IHO1: variants seen among roughly 807,000 people sequenced by gnomAD.
The protein encoded by IHO1 is interactor of HORMAD1 1.
In IHO1, 13 loss-of-function variants were observed where a neutral mutation model predicts 31.0. That is an observed-to-expected ratio of 0.42 (90% CI 0.27 to 0.67). The LOEUF (loss-of-function observed/expected upper bound fraction) is 0.67, where lower values mean the gene tolerates loss of function less well. Among genes scored for constraint, IHO1 ranks in the 30% least tolerant of loss-of-function variants. The pLI is 0.24. For synonymous variants in IHO1, 221 were observed against 248.4 expected, an observed-to-expected ratio of 0.89 and a Z score of 1.04; for missense variants, 599 against 687.5, an observed-to-expected ratio of 0.87 and a Z score of 1.44.
At chr3:49,253,883 G>C (rs1231237287) in intron 6 of IHO1, among the ~76,000 whole-genome samples, 1 of 141,424 alleles carries the variant, frequency 7.1e-6, no homozygotes, top group African/African-American at 2.6e-5. Context: ...ACCCAGGCTG[G>C]AGTGCAATGG....
At position 49,235,506 on chromosome 3, in the gene IHO1, G is replaced by A. The variant is rs368784453; in HGVS notation, c.57-1042G>A. On this transcript the variant is annotated intron_variant, in intron 2 of 7. Transcript: ENST00000452691. ...GCCTCCCAAAGTGCTGGGATTACAG[G>A]CGTGAGCCACCGCACCCGGCCGATT... 2.4e-4 allele frequency among the ~76,000 whole-genome samples: 37 copies of A among 152,194 alleles called. No individual in the cohort carries two copies. The South Asian group carries it at 4.3e-3, about 18-fold the overall frequency.
chr3:49,255,542 T>A, intron 7 of IHO1, 49 bp downstream of exon 7: 3 of 1,008,174 alleles, frequency 3.0e-6, no homozygotes, highest in Non-Finnish European at 4.3e-6. Flanking sequence ...GGCTTTGAAC[T>A]AGACCCAGAG....
At chr3:49,218,228 C>T (rs184897800) in intron 2 of IHO1, among the ~76,000 whole-genome samples, 31 of 152,014 alleles carry the variant, frequency 2.0e-4, no homozygotes, top group African/African-American at 7.0e-4. Flanking sequence ...TCCTGGTTCC[C>T]ACCTCTCCGT....
chr3:49,245,369 GT>G (rs1343209534), intron 6 of IHO1: 1 of 152,730 alleles, frequency 6.5e-6, no homozygotes, highest in Non-Finnish European at 1.5e-5. Flanking sequence ...AAAATTTTTA[GT>G]AGAGACGGGG....
At chr3:49,248,559 T>A (rs376450825) in intron 6 of IHO1, among the ~76,000 whole-genome samples, 8 of 151,976 alleles carry the variant, frequency 5.3e-5, no homozygotes, top group African/African-American at 1.9e-4. Context: ...TGAAAACCCA[T>A]CTCTACTAAA....
At chr3:49,195,217 C>G (rs1415863076), upstream of IHO1, among the ~76,000 whole-genome samples, 1 of 146,482 alleles carries the variant, frequency 6.8e-6, no homozygotes, top group Non-Finnish European at 1.5e-5. Context: ...GTCAGGAGTT[C>G]AAGAGTAGCC....
In IHO1 at chr3:49,241,100, C is replaced by T. The variant is rs867874421; in HGVS notation, c.232-126C>T. ...TGTATACAAAGATAAAATGGAAATA[C>T]TACTTGCTATGTTACGTTACAGCAA... On this transcript the variant is annotated intron_variant, in intron 3 of 7. Coordinates refer to ENST00000452691, the MANE Select transcript of IHO1 (RefSeq NM_001135197.2). 7 of 545,264 alleles carry T rather than the reference C, an allele frequency of 1.3e-5. No individual in the cohort carries two copies. In the Middle Eastern group the frequency reaches 2.5e-3, roughly 194 times the overall value. 33.8% of individuals were successfully genotyped at this position (545,264 alleles called of 1,614,324 possible). A position where few individuals can be genotyped will look rare whatever the true frequency, so the allele number is the denominator to read the frequency against.
intron 1 of IHO1, among the ~76,000 whole-genome samples, chr3:49,201,586 C>A (rs1035190203): frequency 1.3e-5 from 2 of 150,470 alleles, no homozygotes; most frequent in African/African-American, 4.9e-5. Flanking sequence ...TCGCGCCACT[C>A]CACTCCAGGC....
intron 2 of IHO1, among the ~76,000 whole-genome samples, chr3:49,212,137 C>G (rs1229019986): frequency 7.1e-6 from 1 of 141,440 alleles, no homozygotes; most frequent in Non-Finnish European, 1.5e-5. Context: ...GCACTCCAGC[C>G]TGGGCGACAG....
At position 49,205,944 on chromosome 3, in the gene IHO1, A is replaced by AT. The variant is rs945017557; in HGVS notation, c.-15-5813dup. Among the ~76,000 whole-genome samples the AT allele has an allele frequency of 1.1e-3, 147 of 134,646 alleles. No homozygotes were observed. The East Asian group carries it at 0.029, about 27-fold the overall frequency. 88.3% of individuals were successfully genotyped at this position (134,646 alleles called of 152,430 possible). A position where few individuals can be genotyped will look rare whatever the true frequency, so the allele number is the denominator to read the frequency against. On this transcript the variant is annotated intron_variant, in intron 1 of 7. Transcript: ENST00000452691. ...GCCACCACGTCCAGCTAATTTTTGT[A>AT]TTTTTTTTTCTTTTCTTTCTTTCTT...
At chr3:49,211,455 A>AT (rs1204973180) in intron 1 of IHO1, among the ~76,000 whole-genome samples, 2 of 151,548 alleles carry the variant, frequency 1.3e-5, no homozygotes, top group East Asian at 1.9e-4. Context: ...TTATTTACTT[A>AT]TTTTTTTTGA....
chr3:49,213,279 T>C (rs2046245108), intron 2 of IHO1, among the ~76,000 whole-genome samples: 1 of 152,196 alleles, frequency 6.6e-6, no homozygotes, highest in Non-Finnish European at 1.5e-5. Flanking sequence ...AGAGTGCTGA[T>C]TGTTGTATTT....
intron 1 of IHO1, among the ~76,000 whole-genome samples, chr3:49,203,290 C>T (rs1422545383): frequency 6.6e-6 from 1 of 152,098 alleles, no homozygotes; most frequent in East Asian, 1.9e-4. Context: ...ACTGCTTGTG[C>T]CCAGCAAGGG....
At chr3:49,230,191 A>G (rs2046464866) in intron 2 of IHO1, among the ~76,000 whole-genome samples, 1 of 152,224 alleles carries the variant, frequency 6.6e-6, no homozygotes, top group Non-Finnish European at 1.5e-5. Context: ...AATTAGAAAA[A>G]GGACACATAG....
chr3:49,227,177 A>C (rs751998493), intron 2 of IHO1, among the ~76,000 whole-genome samples: 2 of 152,212 alleles, frequency 1.3e-5, no homozygotes, highest in African/African-American at 4.8e-5. Context: ...TCTTACAGAA[A>C]AGGTTAAGCT....
intron 3 of IHO1, among the ~76,000 whole-genome samples, chr3:49,237,374 C>T (rs1447733529): frequency 2.0e-5 from 3 of 151,928 alleles, no homozygotes; most frequent in African/African-American, 4.8e-5. Context: ...CAAAAAAACC[C>T]GACAACCAAT....
Position 49,255,478 on chromosome 3 carries a change from G to C in IHO1, c.621G>C (p.Lys207Asn). The change falls in exon 7 of 8, where the codon AAG becomes AAC. Residue 207 changes from lysine (K) to asparagine (N), a missense_variant. Physicochemically the swap from Lys to Asn is moderately conservative, Grantham distance 94. Coordinates refer to ENST00000452691, the MANE Select transcript of IHO1 (RefSeq NM_001135197.2). Reference protein sequence around the residue: ...GNMEQAILEMKKRFEARQGEF... With the variant: ...GNMEQAILEMNKRFEARQGEF... ...TGGAGCAGGCCATCCTTGAGATGAA[G>C]AAAAGATTTGAAGCTGTAAGTGTAA... 6.3e-7 allele frequency: 1 copy of C among 1,592,688 alleles called. No individual in the cohort carries two copies. The highest frequency in any genetic ancestry group is 1.1e-5 in the South Asian group (1 of 88,756).
At chr3:49,234,423 GC>G (rs1223572954) in intron 2 of IHO1, among the ~76,000 whole-genome samples, 1 of 151,478 alleles carries the variant, frequency 6.6e-6, no homozygotes, top group Non-Finnish European at 1.5e-5. Context: ...CAGGTAGTCT[GC>G]CCACCTCGGC....
chr3:49,214,632 AT>A lies in IHO1; in HGVS notation c.56+2820del, dbSNP rs3083884. Among the ~76,000 whole-genome samples, 27 of 5,188 alleles carry A rather than the reference AT, an allele frequency of 5.2e-3. 1 individual carries two copies. Among genetic ancestry groups the A allele is most frequent in the African/African-American group, 0.012 (18 of 1,530 alleles). The allele number at this position is 5,188 out of a possible 152,430, so 3.4% of individuals were successfully genotyped here. ...CATATATATATATATATATATATAT[AT>A]TTTTTTTTTTTTTTTTTTTTTTTGA... is the stretch of plus-strand genomic sequence containing the variant. On this transcript the variant is annotated intron_variant, in intron 2 of 7. Coordinates refer to ENST00000452691, the MANE Select transcript of IHO1 (RefSeq NM_001135197.2).
Sources: allele counts gnomAD v4.1 joint callset (sites outside exome capture counted in the v4.1 genomes callset), GRCh38; gene constraint gnomAD v4.1.1; transcripts MANE v1.5; gene names NCBI Gene and HGNC (gene_info 2026-07-23, HGNC 2026-07-21).